The following VWA2 variants were observed in gnomAD, a reference collection of about 807,000 sequenced individuals.
VWA2 encodes von Willebrand factor A domain containing 2.
VWA2 carries 73 observed loss-of-function variants against 70.4 expected under a neutral mutation model. That is an observed-to-expected ratio of 1.04 (90% CI 0.86 to 1.26). The LOEUF is 1.26. Ranked by LOEUF, VWA2 falls within the 50% of genes most tolerant of loss-of-function variation. The probability of loss-of-function intolerance (pLI) is 0.00; values close to 1 mark genes in which losing one functional copy is unlikely to be tolerated. For synonymous variants in VWA2, 407 were observed against 423.3 expected, an observed-to-expected ratio of 0.96 and a Z score of 0.47; for missense variants, 1,011 against 998.5, an observed-to-expected ratio of 1.01 and a Z score of -0.17.
chr10:114,273,212 C>T lies in VWA2; in HGVS notation c.566+278C>T, dbSNP rs934726891. On this transcript the variant is annotated intron_variant, in intron 6 of 13. Transcript: ENST00000392982. ...CAAAAATGGAAATTCATGGAGTGAT[C>T]TCATTCACTGGGTGGGATGGGGGTC... 2.0e-5 allele frequency among the ~76,000 whole-genome samples: 3 copies of T among 152,186 alleles called. No homozygotes were observed. In the East Asian group the frequency reaches 5.8e-4, roughly 29 times the overall value.
At chr10:114,287,602 G>A (rs935140129) in intron 11 of VWA2, among the ~76,000 whole-genome samples, 2 of 152,216 alleles carry the variant, frequency 1.3e-5, no homozygotes, top group Non-Finnish European at 1.5e-5. Flanking sequence ...CCTGTAAGGC[G>A]GAAGGACAGG....
chr10:114,254,029 G>A (rs1351592818), intron 3 of VWA2, among the ~76,000 whole-genome samples: 2 of 151,610 alleles, frequency 1.3e-5, no homozygotes, highest in Non-Finnish European at 2.9e-5. Flanking sequence ...GCAACAAGAG[G>A]TACACTCCAT....
At chr10:114,277,198 T>TTTTTTTC (rs1564727796) in intron 6 of VWA2, among the ~76,000 whole-genome samples, 1 of 143,476 alleles carries the variant, frequency 7.0e-6, no homozygotes, top group African/African-American at 2.7e-5. Context: ...TTTTTTTTTT[T>TTTTTTTC]CTGGAGACAG....
At chr10:114,281,447 C>A (rs185860541) in intron 8 of VWA2, among the ~76,000 whole-genome samples, 47 of 152,286 alleles carry the variant, frequency 3.1e-4, no homozygotes, top group Non-Finnish European at 3.1e-4. Context: ...ACCTCAGGGG[C>A]CCTAAGTGAG....
At chr10:114,269,536 A>G (rs544245812) in intron 5 of VWA2, among the ~76,000 whole-genome samples, 10 of 152,262 alleles carry the variant, frequency 6.6e-5, no homozygotes, top group Admixed American at 4.6e-4. Flanking sequence ...AGCTGAGAGT[A>G]TGCCACAACA....
At chr10:114,257,730 T>G (rs1044461428) in intron 4 of VWA2, among the ~76,000 whole-genome samples, 4 of 152,100 alleles carry the variant, frequency 2.6e-5, no homozygotes, top group Non-Finnish European at 5.9e-5. Flanking sequence ...TGACAAGAAA[T>G]TTCCTGGCTG....
intron 6 of VWA2, 117 bp from the exon 7 acceptor site, chr10:114,277,797 G>C (rs536956236): frequency 2.2e-4 from 297 of 1,339,402 alleles, no homozygotes; most frequent in Non-Finnish European, 3.3e-5. Context: ...CTATGGGTCT[G>C]ACAAAACCAG....
chr10:114,285,323 A>G (rs567156571), intron 10 of VWA2, among the ~76,000 whole-genome samples: 9 of 152,322 alleles, frequency 5.9e-5, no homozygotes, highest in Admixed American at 4.6e-4. Context: ...AAAGCAGAGC[A>G]AGGAGCCCCG....
intron 4 of VWA2, among the ~76,000 whole-genome samples, chr10:114,258,457 C>T (rs752021930): frequency 7.9e-5 from 12 of 152,062 alleles, no homozygotes; most frequent in African/African-American, 9.7e-5. Flanking sequence ...GATAGCTGGG[C>T]GGGCCTGTTT....
rs1347574932 is a variant in VWA2, at chr10:114,293,225, C to T, written c.*1988C>T. ...ATAACTTTGTTATTATGCTGCCCTT[C>T]ACAGAAGACAACGTCCGGGGCAGGA... On this transcript the variant is annotated 3_prime_UTR_variant, in exon 14 of 14. Transcript: ENST00000392982. Among the ~76,000 whole-genome samples the T allele has an allele frequency of 6.6e-6, 1 of 152,190 alleles. No homozygotes were observed. Among genetic ancestry groups the T allele is most frequent in the Non-Finnish European group, 1.5e-5 (1 of 68,042 alleles).
At chr10:114,276,724 G>C (rs1435480310) in intron 6 of VWA2, among the ~76,000 whole-genome samples, 1 of 111,082 alleles carries the variant, frequency 9.0e-6, no homozygotes, top group Non-Finnish European at 1.7e-5. Context: ...TCACTGTGTT[G>C]CCCAGGCTGG....
At chr10:114,288,891 T>G in intron 11 of VWA2, 47 bp from the exon 12 acceptor site, 7 of 1,560,872 alleles carry the variant, frequency 4.5e-6, no homozygotes, top group Non-Finnish European at 6.1e-6. Flanking sequence ...GTCGAGGGGC[T>G]CTGACTGGCA....
chr10:114,274,575 A>G (rs1589761928), intron 6 of VWA2, among the ~76,000 whole-genome samples: 1 of 152,002 alleles, frequency 6.6e-6, no homozygotes, highest in Non-Finnish European at 1.5e-5. Flanking sequence ...CCTGGGTTCA[A>G]GCGATTCTCA....
At chr10:114,286,897 AC>A (rs2038967750) in intron 11 of VWA2, among the ~76,000 whole-genome samples, 1 of 152,224 alleles carries the variant, frequency 6.6e-6, no homozygotes, top group African/African-American at 2.4e-5. Flanking sequence ...ATGGCAATCC[AC>A]AGAAAAGTGT....
chr10:114,256,168 G>A (rs760154718), intron 4 of VWA2, among the ~76,000 whole-genome samples: 1 of 152,204 alleles, frequency 6.6e-6, no homozygotes, highest in South Asian at 2.1e-4. Flanking sequence ...GTTATTCATT[G>A]CAGCATTATG....
intron 6 of VWA2, among the ~76,000 whole-genome samples, chr10:114,276,849 A>G (rs2133373967): frequency 6.6e-6 from 1 of 152,128 alleles, no homozygotes; most frequent in East Asian, 1.9e-4. Flanking sequence ...CTTCTCTGAC[A>G]GTTCTCAGCT....
intron 1 of VWA2, among the ~76,000 whole-genome samples, chr10:114,243,785 G>A (rs55662965): frequency 0.079 from 11,981 of 152,076 alleles, 476 homozygotes; most frequent in African/African-American, 0.086. Flanking sequence ...CCTGTGTCAC[G>A]GAAAATGTAA....
At chr10:114,284,316 C>A (rs1223168683) in intron 9 of VWA2, among the ~76,000 whole-genome samples, 2 of 152,192 alleles carry the variant, frequency 1.3e-5, no homozygotes, top group Non-Finnish European at 2.9e-5. Flanking sequence ...TTAATCCTCA[C>A]AATAACCCCA....
chr10:114,271,734 T>A (rs890424126), intron 5 of VWA2, among the ~76,000 whole-genome samples: 3 of 152,206 alleles, frequency 2.0e-5, no homozygotes, highest in African/African-American at 7.2e-5. Context: ...GGCATTGCCT[T>A]AATTTATGGT....
Sources: gnomAD v4.1 joint callset for allele counts (sites outside exome capture counted in the v4.1 genomes callset) on GRCh38, gnomAD v4.1.1 for gene constraint, MANE v1.5 for transcripts, NCBI Gene and HGNC (gene_info 2026-07-23, HGNC 2026-07-21) for gene names.